MEIS2: variants seen among roughly 807,000 people sequenced by gnomAD.
MEIS2 encodes Meis homeobox 2.
A neutral mutation model predicts 58.6 loss-of-function variants in MEIS2; 9 were observed. The ratio of observed to expected loss-of-function variants is 0.15; its 90% CI spans 0.09 to 0.27. The LOEUF (loss-of-function observed/expected upper bound fraction) is 0.27. Among genes scored for constraint, MEIS2 ranks in the 10% least tolerant of loss-of-function variants. The pLI, the probability that MEIS2 is intolerant of heterozygous loss-of-function variation, is 1.00. For missense variants in MEIS2, 427 were observed against 635.0 expected (o/e 0.67, Z 3.52); for synonymous variants, 221 against 228.4 (o/e 0.97, Z 0.29).
Position 36,937,233 on chromosome 15 carries a change from T to C in MEIS2, c.977+13091A>G, listed in dbSNP as rs74878137. On this transcript the variant is annotated intron_variant, in intron 9 of 11. Coordinates refer to ENST00000561208, the MANE Select transcript of MEIS2 (RefSeq NM_170675.5). The stretch of plus-strand genomic sequence containing the variant: ...CCTCCCTTGTTGTTTGGTCAGGAAT[T>C]AACAAAATAGACAGTCCTCAAAATA... Among the ~76,000 whole-genome samples the C allele has an allele frequency of 7.0e-3, 1,061 of 152,274 alleles. 7 individuals are homozygous for C. The highest frequency in any genetic ancestry group is 0.012 in the Non-Finnish European group (801 of 68,010).
At chr15:36,936,790 C>G (rs963549169) in intron 9 of MEIS2, among the ~76,000 whole-genome samples, 1 of 152,114 alleles carries the variant, frequency 6.6e-6, no homozygotes, top group Admixed American at 6.5e-5. Flanking sequence ...ATGTATTTCT[C>G]CAAATATAGT....
intron 7 of MEIS2, among the ~76,000 whole-genome samples, chr15:37,063,657 C>T (rs938624600): frequency 1.3e-5 from 2 of 152,132 alleles, no homozygotes; most frequent in African/African-American, 4.8e-5. Context: ...GGTACTTTTC[C>T]TTGATCTAGC....
In MEIS2 at chr15:37,010,710, T is replaced by G. The variant is rs184628560; in HGVS notation, c.900+26104A>C. Among the ~76,000 whole-genome samples, 4 of 152,296 alleles carry G rather than the reference T, an allele frequency of 2.6e-5. No homozygotes were observed. The East Asian group carries it at 7.7e-4, about 29-fold the overall frequency. On this transcript the variant is annotated intron_variant, in intron 8 of 11. Coordinates refer to ENST00000561208, the MANE Select transcript of MEIS2 (RefSeq NM_170675.5). ...ACTGTTTTAGATGAATCTCCAAAGC[T>G]CCTTAGCGTTATTCAGATCAGCTGT... is the stretch of plus-strand genomic sequence containing the variant.
chr15:36,980,772 T>C (rs2059906185), intron 8 of MEIS2, among the ~76,000 whole-genome samples: 1 of 152,204 alleles, frequency 6.6e-6, no homozygotes, highest in South Asian at 2.1e-4. Context: ...TTTTCTCCCA[T>C]TTGAAATGTC....
intron 8 of MEIS2, among the ~76,000 whole-genome samples, chr15:37,002,778 T>C (rs974704386): frequency 3.2e-4 from 49 of 152,208 alleles, no homozygotes; most frequent in African/African-American, 1.1e-3. Context: ...GAAATAGATG[T>C]AATGAAGTAT....
chr15:37,061,248 C>T (rs12442483), intron 7 of MEIS2, among the ~76,000 whole-genome samples: 92,099 of 151,906 alleles, frequency 0.61, 28,930 homozygotes, highest in Non-Finnish European at 0.69. Flanking sequence ...GTCAAACAGA[C>T]GGAAGATGGG....
intron 9 of MEIS2, among the ~76,000 whole-genome samples, chr15:36,940,012 T>C (rs1368610139): frequency 6.6e-6 from 1 of 152,180 alleles, no homozygotes; most frequent in African/African-American, 2.4e-5. Context: ...CACTCTTACA[T>C]AGTAACAGAT....
rs540738882 is a variant in MEIS2 at position 37,096,063 on chromosome 15, A to T, written c.387+226T>A. The stretch of plus-strand genomic sequence containing the variant: ...TTAGGAGCAGGTCAACTTTAATTCG[A>T]GGGTCGACCCCTGTATTCCTGCTGG... On this transcript the variant is annotated intron_variant, in intron 3 of 11. Transcript: ENST00000561208. The T allele has an allele frequency of 1.9e-4, 95 of 507,420 alleles. 2 individuals carry two copies. The South Asian group carries it at 2.8e-3, about 15-fold the overall frequency. 31.4% of individuals were successfully genotyped at this position (507,420 alleles called of 1,614,324 possible).
chr15:37,045,000 A>G (rs1047817403), intron 7 of MEIS2, among the ~76,000 whole-genome samples: 2 of 152,202 alleles, frequency 1.3e-5, no homozygotes, highest in Non-Finnish European at 2.9e-5. Flanking sequence ...GGCTTCTAGT[A>G]GTCACCAAGC....
intron 7 of MEIS2, among the ~76,000 whole-genome samples, chr15:37,082,193 G>A (rs578118349): frequency 1.3e-5 from 2 of 152,292 alleles, no homozygotes; most frequent in African/African-American, 4.8e-5. Context: ...AGAAATGCTT[G>A]AAGCGTTAAC....
At chr15:37,099,349 C>T (rs1894817508) in intron 1 of MEIS2, 106 bp downstream of exon 1, 9 of 1,568,886 alleles carry the variant, frequency 5.7e-6, no homozygotes, top group Non-Finnish European at 7.8e-6. Context: ...CCGCCATCAT[C>T]AAGCAGCGAG....
At chr15:37,040,466 C>G (rs940336417) in intron 7 of MEIS2, among the ~76,000 whole-genome samples, 3 of 152,130 alleles carry the variant, frequency 2.0e-5, no homozygotes, top group African/African-American at 7.2e-5. Flanking sequence ...TCTGGAACAG[C>G]TGAGTGGGTT....
chr15:37,001,888 A>G (rs2060742506), intron 8 of MEIS2, among the ~76,000 whole-genome samples: 1 of 152,224 alleles, frequency 6.6e-6, no homozygotes, highest in Non-Finnish European at 1.5e-5. Flanking sequence ...AATAGCACTT[A>G]GATTTGCCAT....
At chr15:36,946,937 G>T (rs941831918) in intron 9 of MEIS2, among the ~76,000 whole-genome samples, 1 of 151,910 alleles carries the variant, frequency 6.6e-6, no homozygotes, top group Non-Finnish European at 1.5e-5. Context: ...CACCATATTT[G>T]CTTTTCCATT....
intron 9 of MEIS2, among the ~76,000 whole-genome samples, chr15:36,945,624 T>C (rs2058536289): frequency 6.6e-6 from 1 of 151,896 alleles, no homozygotes; most frequent in East Asian, 1.9e-4. Flanking sequence ...TGGGGCCAAA[T>C]GGAAACAGGT....
chr15:36,961,464 C>T (rs2059179136), intron 8 of MEIS2, among the ~76,000 whole-genome samples: 1 of 151,962 alleles, frequency 6.6e-6, no homozygotes, highest in South Asian at 2.1e-4. Context: ...TAACCTTTTG[C>T]CACCATAATG....
intron 7 of MEIS2, among the ~76,000 whole-genome samples, chr15:37,064,011 A>G (rs1889595320): frequency 6.6e-6 from 1 of 152,182 alleles, no homozygotes; most frequent in Non-Finnish European, 1.5e-5. Flanking sequence ...TATATGAAAA[A>G]CTTGATCAGA....
At chr15:37,055,477 G>A (rs963502416) in intron 7 of MEIS2, among the ~76,000 whole-genome samples, 1 of 152,078 alleles carries the variant, frequency 6.6e-6, no homozygotes, top group African/African-American at 2.4e-5. Context: ...AGAATGTGGA[G>A]AGCTCTCAAC....
intron 7 of MEIS2, among the ~76,000 whole-genome samples, chr15:37,045,715 C>T (rs1337979448): frequency 6.6e-6 from 1 of 152,120 alleles, no homozygotes; most frequent in Non-Finnish European, 1.5e-5. Context: ...TCCTGCTGTG[C>T]TTAACTGTCC....
Sources: allele counts gnomAD v4.1 joint callset (sites outside exome capture counted in the v4.1 genomes callset), GRCh38; gene constraint gnomAD v4.1.1; transcripts MANE v1.5; gene names NCBI Gene and HGNC (gene_info 2026-07-23, HGNC 2026-07-21).